INTS8: variants seen among roughly 807,000 people sequenced by gnomAD.
INTS8 encodes the protein protein kaonashi-1.
Under a neutral mutation model 138.9 loss-of-function variants are expected in INTS8, and 47 were observed. The ratio of observed to expected loss-of-function variants is 0.34; its 90% CI spans 0.27 to 0.43. The LOEUF is 0.43. INTS8 is among the 20% of genes least tolerant of loss of function. The pLI is 1.00. For missense variants in INTS8, 996 were observed against 1,173.0 expected, an observed-to-expected ratio of 0.85 and a Z score of 2.20; for synonymous variants, 392 against 400.9, an observed-to-expected ratio of 0.98 and a Z score of 0.27.
At chr8:94,871,850 A>G in intron 20 of INTS8, 34 bp from the exon 21 acceptor site, 2 of 1,152,534 alleles carry the variant, frequency 1.7e-6, no homozygotes, top group Middle Eastern at 1.9e-4. Context: ...TGACTTTTAA[A>G]ATAGAGATTA....
At chr8:94,846,521 G>A (rs1308930233) in intron 10 of INTS8, among the ~76,000 whole-genome samples, 2 of 152,226 alleles carry the variant, frequency 1.3e-5, no homozygotes, top group South Asian at 2.1e-4. Flanking sequence ...CGATCCACCC[G>A]CCTCAGCCTC....
chr8:94,859,514 T>C lies in INTS8; in HGVS notation c.1958T>C (p.Ile653Thr), dbSNP rs750975216. The change falls in exon 16 of 27, where the codon ATT becomes ACT. Residue 653 changes from isoleucine to threonine, a missense_variant. Physicochemically the swap from Ile to Thr is moderately conservative, Grantham distance 89 (BLOSUM62 -1). Transcript: ENST00000523731. ...TGTTTTCTTCTTTGCTTTTTAGATA[T>C]TCCTCTTCGTCAAGTTATAGCTGAG... The part of the protein sequence containing the change: ...RGYLEMRLPD[I>T]PLRQVIAEEC... 7 of 1,612,790 alleles carry C rather than the reference T, an allele frequency of 4.3e-6. No homozygotes were observed. Among genetic ancestry groups the C allele is most frequent in the Non-Finnish European group, 5.9e-6 (7 of 1,179,214 alleles).
chr8:94,880,966 T>A lies in INTS8; in HGVS notation c.*732T>A. ...TATAATTTCTTTGGTACTCCCACTG[T>A]TTAGAGCACAGGTTGAACACCATGT... On this transcript the variant is annotated 3_prime_UTR_variant, in exon 27 of 27. Coordinates refer to ENST00000523731, the MANE Select transcript of INTS8 (RefSeq NM_017864.4). 2.5e-6 allele frequency: 1 copy of A among 398,804 alleles called. No individual in the cohort carries two copies. The highest frequency in any genetic ancestry group is 4.4e-6 in the Non-Finnish European group (1 of 225,910). 24.7% of individuals were successfully genotyped at this position (398,804 alleles called of 1,614,324 possible).
chr8:94,848,828 G>A (rs1815426273), intron 10 of INTS8, among the ~76,000 whole-genome samples: 1 of 151,944 alleles, frequency 6.6e-6, no homozygotes, highest in South Asian at 2.1e-4. Context: ...TGAGATTATG[G>A]ACTTTTACAC....
rs749878050 is a variant in INTS8 at position 94,824,887 on chromosome 8, C to T, written c.131-6C>T. The stretch of plus-strand genomic sequence containing the variant: ...ATTTAAGAATTTATTTTCTTTTAAA[C>T]CCTAGATCCTGCACCAGTTCAACTT... On this transcript the variant is annotated splice_polypyrimidine_tract_variant and splice_region_variant and intron_variant, in intron 1 of 26. Coordinates refer to ENST00000523731, the MANE Select transcript of INTS8 (RefSeq NM_017864.4). 30 of 1,573,834 alleles carry T rather than the reference C, an allele frequency of 1.9e-5. No homozygotes were observed. The highest frequency in any genetic ancestry group is 9.9e-5 in the African/African-American group (7 of 70,802).
At chr8:94,849,066 CACTT>C (rs960004919) in intron 10 of INTS8, among the ~76,000 whole-genome samples, 8 of 151,840 alleles carry the variant, frequency 5.3e-5, no homozygotes, top group Admixed American at 2.6e-4. Flanking sequence ...CATGATAAAT[CACTT>C]ACTCTTTTCA....
At chr8:94,869,897 C>T (rs555389188) in intron 20 of INTS8, among the ~76,000 whole-genome samples, 20 of 152,238 alleles carry the variant, frequency 1.3e-4, no homozygotes, top group Admixed American at 5.9e-4. Context: ...GAATTGTTTA[C>T]CCTAGGGGCT....
intron 2 of INTS8, among the ~76,000 whole-genome samples, chr8:94,825,440 AAT>A (rs1395075162): frequency 1.1e-4 from 17 of 149,652 alleles, no homozygotes; most frequent in African/African-American, 4.2e-4. Context: ...AAAAAAAAAA[AAT>A]AATAAAATAA....
intron 10 of INTS8, among the ~76,000 whole-genome samples, chr8:94,847,785 C>G (rs1428292705): frequency 6.6e-6 from 1 of 151,962 alleles, no homozygotes; most frequent in East Asian, 1.9e-4. Context: ...CTACATTGTT[C>G]CATGACACAT....
At chr8:94,872,038 T>G (rs201692160) in intron 21 of INTS8, 36 bp downstream of exon 21, 3 of 992,992 alleles carry the variant, frequency 3.0e-6, no homozygotes, top group African/African-American at 1.6e-5. Flanking sequence ...TGTTTTGTTT[T>G]TATAGCACTT....
At chr8:94,825,383 G>T (rs542201806) in intron 2 of INTS8, among the ~76,000 whole-genome samples, 2 of 151,080 alleles carry the variant, frequency 1.3e-5, no homozygotes, top group Non-Finnish European at 2.9e-5. Context: ...AGTGAGCCGA[G>T]ATGGCGCTAC....
intron 6 of INTS8, among the ~76,000 whole-genome samples, chr8:94,834,086 T>C (rs1814827736): frequency 6.6e-6 from 1 of 152,208 alleles, no homozygotes; most frequent in South Asian, 2.1e-4. Context: ...GTAGGTTCTT[T>C]ACATTACTAA....
Position 94,849,529 on chromosome 8 carries a change from TA to T in INTS8, c.1331del (p.Lys444ArgfsTer15). 6.5e-7 allele frequency: 1 copy of T among 1,538,432 alleles called. No homozygotes were observed. Among genetic ancestry groups the T allele is most frequent in the Admixed American group, 1.8e-5 (1 of 54,242 alleles). On this transcript the variant is annotated frameshift_variant and splice_region_variant, in exon 11 of 27. Transcript: ENST00000523731. LOFTEE classifies it high-confidence loss of function. ...ESLKGNMAAF[L>X]KNVCLGLEDL... ...TTGAAAGGAAACATGGCTGCTTTTC[TA>T]AAGTAAGTACCTTTCTTTTCTTTTT...
chr8:94,829,941 C>T (rs1044282619), intron 5 of INTS8, among the ~76,000 whole-genome samples: 3 of 152,046 alleles, frequency 2.0e-5, no homozygotes, highest in Non-Finnish European at 4.4e-5. Context: ...GCTCTGTTAC[C>T]AGGCCGGAGT....
In INTS8 at chr8:94,853,921, T is replaced by TA. The variant is rs755079707; in HGVS notation, c.1752+10dup. ...TGCACTGCAGTACTGTTAAGGTGAG[T>TA]AAAAGTGTGTATCAAACACTTGTTA... On this transcript the variant is annotated splice_region_variant and intron_variant, in intron 14 of 26. Coordinates refer to ENST00000523731, the MANE Select transcript of INTS8 (RefSeq NM_017864.4). 1 of 1,471,170 alleles carries TA rather than the reference T, an allele frequency of 6.8e-7. No individual in the cohort carries two copies. Among genetic ancestry groups the TA allele is most frequent in the South Asian group, 1.1e-5 (1 of 88,132 alleles). 91.1% of individuals were successfully genotyped at this position (1,471,170 alleles called of 1,614,324 possible). A position where few individuals can be genotyped will look rare whatever the true frequency, so the allele number is the denominator to read the frequency against.
At chr8:94,837,263 A>G (rs148767731) in intron 7 of INTS8, among the ~76,000 whole-genome samples, 3 of 152,312 alleles carry the variant, frequency 2.0e-5, no homozygotes, top group African/African-American at 7.2e-5. Context: ...AATATGGGTA[A>G]ACATTTTTAC....
rs1479235531 is a variant in INTS8, at chr8:94,880,366, A to G, written c.*132A>G. ...CTTTTCAGACAAAATACTGAAACAA[A>G]TATTAGTTTAAAAACAAACTATACA... On this transcript the variant is annotated 3_prime_UTR_variant, in exon 27 of 27. Coordinates refer to ENST00000523731, the MANE Select transcript of INTS8 (RefSeq NM_017864.4). The G allele has an allele frequency of 3.6e-6, 2 of 551,058 alleles. No homozygotes were observed. Among genetic ancestry groups the G allele is most frequent in the Admixed American group, 3.4e-5 (1 of 29,234 alleles). The allele number at this position is 551,058 out of a possible 1,614,324, so 34.1% of individuals were successfully genotyped here.
In INTS8 at chr8:94,876,549, A is replaced by G. The variant is rs1442988317; in HGVS notation, c.2871+60A>G. On this transcript the variant is annotated intron_variant, in intron 26 of 26. Transcript: ENST00000523731. ...TTTCCAGAATATTAAACAATTGTTA[A>G]GATGTGAACCAACAAAAAATAGATT... The G allele has an allele frequency of 6.6e-6, 7 of 1,057,506 alleles. No homozygotes were observed. In the African/African-American group the frequency reaches 9.7e-5, roughly 15 times the overall value. The allele number at this position is 1,057,506 out of a possible 1,614,324, so 65.5% of individuals were successfully genotyped here. A position where few individuals can be genotyped will look rare whatever the true frequency, so the allele number is the denominator to read the frequency against.
chr8:94,850,376 G>A (rs1289984110), intron 12 of INTS8, among the ~76,000 whole-genome samples: 1 of 152,186 alleles, frequency 6.6e-6, no homozygotes, highest in Non-Finnish European at 1.5e-5. Flanking sequence ...ACTTTGGGAG[G>A]CCAAGACGGG....
Sources: gnomAD v4.1 joint callset for allele counts (sites outside exome capture counted in the v4.1 genomes callset) on GRCh38, gnomAD v4.1.1 for gene constraint, MANE v1.5 for transcripts, NCBI Gene and HGNC (gene_info 2026-07-23, HGNC 2026-07-21) for gene names.